The following SIPA1L1 variants were observed in gnomAD, a reference collection of about 807,000 sequenced individuals.
SIPA1L1 encodes the protein signal induced proliferation associated 1 like 1, also known as signal-induced proliferation-associated 1-like protein 1.
Under a neutral mutation model 162.7 loss-of-function variants are expected in SIPA1L1, and 26 were observed. The observed-to-expected ratio is 0.16, with a 90% CI of 0.12 to 0.22. SIPA1L1 has a LOEUF of 0.22. SIPA1L1 is among the 10% of genes least tolerant of loss of function. SIPA1L1 has a pLI of 1.00. For missense variants in SIPA1L1, 1,874 were observed against 2,241.0 expected (o/e 0.84, Z 3.31); for synonymous variants, 829 against 837.4 (o/e 0.99, Z 0.17).
At chr14:71,488,126 A>T (rs183550847) in intron 2 of SIPA1L1, among the ~76,000 whole-genome samples, 2 of 152,240 alleles carry the variant, frequency 1.3e-5, no homozygotes, top group East Asian at 3.9e-4. Flanking sequence ...CTGCCCTCTG[A>T]CTCACTGTGT....
At chr14:71,544,931 T>TA (rs2055043683) in intron 4 of SIPA1L1, among the ~76,000 whole-genome samples, 1 of 152,216 alleles carries the variant, frequency 6.6e-6, no homozygotes, top group African/African-American at 2.4e-5. Flanking sequence ...GGCATGATCA[T>TA]AGCTCACTGC....
intron 16 of SIPA1L1, among the ~76,000 whole-genome samples, chr14:71,707,403 T>G (rs1243091948): frequency 6.6e-6 from 1 of 152,182 alleles, no homozygotes; most frequent in Non-Finnish European, 1.5e-5. Flanking sequence ...GTAGCAGCAT[T>G]TTCACAGAGT....
chr14:71,657,263 G>T (rs970825876), intron 8 of SIPA1L1, among the ~76,000 whole-genome samples: 1 of 149,620 alleles, frequency 6.7e-6, no homozygotes, highest in African/African-American at 2.5e-5. Flanking sequence ...CAGGAGAATC[G>T]CTTGAACCCA....
chr14:71,635,231 A>G (rs2041016935), intron 7 of SIPA1L1, among the ~76,000 whole-genome samples: 1 of 152,144 alleles, frequency 6.6e-6, no homozygotes, highest in South Asian at 2.1e-4. Flanking sequence ...GTAAGCTGAG[A>G]TCACGCCATT....
chr14:71,593,990 A>C (rs2035733559), intron 5 of SIPA1L1, among the ~76,000 whole-genome samples: 1 of 152,194 alleles, frequency 6.6e-6, no homozygotes, highest in Admixed American at 6.5e-5. Flanking sequence ...GGGACGACTA[A>C]TGCTTATGCA....
chr14:71,614,061 G>A (rs553434170), intron 5 of SIPA1L1, among the ~76,000 whole-genome samples: 2 of 152,170 alleles, frequency 1.3e-5, no homozygotes, highest in Admixed American at 6.5e-5. Flanking sequence ...TTAGCTAGGC[G>A]TGGTGGCACG....
rs760389980 is a variant in SIPA1L1, at chr14:71,587,914, C to G, written c.42C>G (p.Ala14=). Residue 14 remains alanine (A), a synonymous_variant, in exon 5 of 24, where the codon GCC becomes GCG. Transcript: ENST00000381232. The stretch of plus-strand genomic sequence containing the variant: ...GGTCACAGACAGAAAGGCCTCTTGC[C>G]ACTGACAGGGCCTCTGTTGTTGGCA... ...LKRSQTERPL[A]TDRASVVGTD... 2 of 1,612,718 alleles carry G rather than the reference C, an allele frequency of 1.2e-6. No homozygotes were observed. The highest frequency in any genetic ancestry group is 3.3e-5 in the Admixed American group (2 of 59,980).
intron 22 of SIPA1L1, among the ~76,000 whole-genome samples, chr14:71,736,524 A>T (rs765043287): frequency 2.5e-4 from 38 of 152,248 alleles, no homozygotes; most frequent in Non-Finnish European, 2.4e-4. Flanking sequence ...CTTGCCATTG[A>T]GGACTTCTCT....
At chr14:71,585,184 A>G (rs1274947914) in intron 4 of SIPA1L1, among the ~76,000 whole-genome samples, 10 of 149,110 alleles carry the variant, frequency 6.7e-5, no homozygotes, top group African/African-American at 1.5e-4. Flanking sequence ...TGAGAGGGAG[A>G]AAAAAAAAAC....
chr14:71,572,848 G>C (rs530376630), intron 4 of SIPA1L1, among the ~76,000 whole-genome samples: 39 of 152,294 alleles, frequency 2.6e-4, no homozygotes, highest in South Asian at 2.1e-4. Context: ...AGCAAATATA[G>C]CCGTAGTAAC....
chr14:71,689,422 T>C (rs902859891), intron 13 of SIPA1L1, among the ~76,000 whole-genome samples: 5 of 152,234 alleles, frequency 3.3e-5, no homozygotes, highest in Non-Finnish European at 7.3e-5. Flanking sequence ...ATAGGTAATA[T>C]GATACGGTCA....
Position 71,531,269 on chromosome 14 carries a change from G to C in SIPA1L1, c.-303+1899G>C, listed in dbSNP as rs1026003762. On this transcript the variant is annotated intron_variant, in intron 4 of 23. Coordinates refer to ENST00000381232, the MANE Select transcript of SIPA1L1 (RefSeq NM_001386936.1). ...CTGGCATCATTTTTCTGCATTGTGAGAATTCGCCATTATGCCTACAAAATT... is the reference window on the plus strand; with the variant it reads ...CTGGCATCATTTTTCTGCATTGTGACAATTCGCCATTATGCCTACAAAATT... Among the ~76,000 whole-genome samples, 9 of 151,482 alleles carry C rather than the reference G, an allele frequency of 5.9e-5. No homozygotes were observed. In the East Asian group the frequency reaches 9.7e-4, roughly 16 times the overall value.
chr14:71,620,545 A>G (rs898271639), intron 6 of SIPA1L1, among the ~76,000 whole-genome samples: 4 of 151,936 alleles, frequency 2.6e-5, no homozygotes, highest in Non-Finnish European at 5.9e-5. Flanking sequence ...TGTTCATCCT[A>G]TCCTTCATGC....
chr14:71,737,175 T>C (rs1445538138), intron 22 of SIPA1L1, among the ~76,000 whole-genome samples: 5 of 152,192 alleles, frequency 3.3e-5, no homozygotes, highest in Admixed American at 3.3e-4. Context: ...TACACCACGG[T>C]GGGTTTTGCC....
intron 2 of SIPA1L1, among the ~76,000 whole-genome samples, chr14:71,506,900 G>A (rs1461570113): frequency 6.6e-6 from 1 of 150,588 alleles, no homozygotes; most frequent in African/African-American, 2.4e-5. Context: ...CTGGGCTCAA[G>A]CGTTCCACCC....
At chr14:71,641,063 G>C (rs1042481996) in intron 7 of SIPA1L1, among the ~76,000 whole-genome samples, 3 of 152,044 alleles carry the variant, frequency 2.0e-5, no homozygotes, top group African/African-American at 4.8e-5. Context: ...AAAGAACGGA[G>C]ACAAGAAAAC....
chr14:71,680,943 G>T (rs1396153501), intron 12 of SIPA1L1, among the ~76,000 whole-genome samples: 1 of 152,186 alleles, frequency 6.6e-6, no homozygotes, highest in Non-Finnish European at 1.5e-5. Flanking sequence ...ATCCGTGGGG[G>T]TGGAGCCCTA....
At chr14:71,577,422 G>A (rs2033234039) in intron 4 of SIPA1L1, among the ~76,000 whole-genome samples, 1 of 151,416 alleles carries the variant, frequency 6.6e-6, no homozygotes, top group African/African-American at 2.4e-5. Flanking sequence ...CGTTGCCCAG[G>A]CTGGAGTTCA....
chr14:71,560,261 A>T (rs2056680718), intron 4 of SIPA1L1, among the ~76,000 whole-genome samples: 1 of 152,238 alleles, frequency 6.6e-6, no homozygotes, highest in South Asian at 2.1e-4. Flanking sequence ...AGCATAAGCA[A>T]AAGGAAATTA....
Sources: gnomAD v4.1 joint callset for allele counts (sites outside exome capture counted in the v4.1 genomes callset) on GRCh38, gnomAD v4.1.1 for gene constraint, MANE v1.5 for transcripts, NCBI Gene and HGNC (gene_info 2026-07-23, HGNC 2026-07-21) for gene names.